The following LRRC4C variants were observed in gnomAD, a reference collection of about 807,000 sequenced individuals.
LRRC4C encodes the protein leucine rich repeat containing 4C.
A neutral mutation model predicts 33.6 loss-of-function variants in LRRC4C; 5 were observed. The observed-to-expected ratio is 0.15, with a 90% CI of 0.08 to 0.31. The LOEUF is 0.31. LRRC4C is among the 10% of genes least tolerant of loss of function. The pLI, the probability that LRRC4C is intolerant of heterozygous loss-of-function variation, is 1.00. For synonymous variants in LRRC4C, 329 were observed against 302.0 expected (o/e 1.09, Z -0.93); for missense variants, 560 against 796.7 (o/e 0.70, Z 3.58).
chr11:40,209,075 A>G (rs1475216848), intron 5 of LRRC4C, among the ~76,000 whole-genome samples: 1 of 152,132 alleles, frequency 6.6e-6, no homozygotes, highest in African/African-American at 2.4e-5. Flanking sequence ...CCGGCAATTT[A>G]CAAAGGACAT....
intron 1 of LRRC4C, among the ~76,000 whole-genome samples, chr11:41,233,879 T>A (rs1947908630): frequency 6.6e-6 from 1 of 152,026 alleles, no homozygotes; most frequent in Non-Finnish European, 1.5e-5. Flanking sequence ...TAGTCCTTAG[T>A]TCTTAGATTA....
chr11:40,186,586 C>T (rs1490806080), intron 5 of LRRC4C, among the ~76,000 whole-genome samples: 2 of 152,118 alleles, frequency 1.3e-5, no homozygotes, highest in East Asian at 3.9e-4. Flanking sequence ...ATGTATGACG[C>T]CTAGTCTATG....
At chr11:40,160,257 C>A (rs1394631363) in intron 5 of LRRC4C, among the ~76,000 whole-genome samples, 1 of 151,868 alleles carries the variant, frequency 6.6e-6, no homozygotes, top group Non-Finnish European at 1.5e-5. Flanking sequence ...TCCTGACTCT[C>A]AATTTTGTAG....
At chr11:40,937,592 AGTGTGTGTATATGTGTGTGT>A (rs1237071318) in intron 1 of LRRC4C, among the ~76,000 whole-genome samples, 1 of 120,122 alleles carries the variant, frequency 8.3e-6, no homozygotes, top group African/African-American at 3.5e-5. Flanking sequence ...ACTCTTCTTG[AGTGTGTGTATATGTGTGTGT>A]GTGTGTGTGT....
intron 1 of LRRC4C, among the ~76,000 whole-genome samples, chr11:41,141,095 C>A (rs956412410): frequency 6.6e-6 from 1 of 152,070 alleles, no homozygotes; most frequent in Admixed American, 6.6e-5. Context: ...TCAATAACAG[C>A]AGCTAAATGC....
intron 5 of LRRC4C, among the ~76,000 whole-genome samples, chr11:40,214,715 A>ATCCCAGAC (rs1250163910): frequency 5.3e-5 from 8 of 152,170 alleles, no homozygotes; most frequent in African/African-American, 1.9e-4. Context: ...TGGCATCCTG[A>ATCCCAGAC]TCCCAGACTC....
intron 3 of LRRC4C, among the ~76,000 whole-genome samples, chr11:40,449,152 CAGATGGTT>C (rs1406951544): frequency 6.6e-6 from 1 of 152,050 alleles, no homozygotes; most frequent in Non-Finnish European, 1.5e-5. Flanking sequence ...AGCCCTTTCT[CAGATGGTT>C]AGATTGCAAA....
At chr11:41,011,822 A>ATATATTATATCATATTATAT (rs1855211019) in intron 1 of LRRC4C, among the ~76,000 whole-genome samples, 2 of 141,734 alleles carry the variant, frequency 1.4e-5, no homozygotes, top group Non-Finnish European at 3.0e-5. Context: ...ATTCTATGTT[A>ATATATTATATCATATTATAT]TATATTATAT....
intron 3 of LRRC4C, among the ~76,000 whole-genome samples, chr11:40,383,920 A>AATTATTATTATTATT (rs143241296): frequency 0.11 from 14,276 of 135,272 alleles, 860 homozygotes; most frequent in Middle Eastern, 0.18. Context: ...TTTTAATTCA[A>AATTATTATTATTATT]ATTATTATTA....
intron 1 of LRRC4C, among the ~76,000 whole-genome samples, chr11:41,101,561 T>A (rs186099310): frequency 3.2e-4 from 48 of 152,274 alleles, no homozygotes; most frequent in Non-Finnish European, 6.2e-4. Flanking sequence ...AGTGCAAATT[T>A]GTTCAACCAT....
At chr11:41,059,595 T>G (rs1449162620) in intron 1 of LRRC4C, among the ~76,000 whole-genome samples, 1 of 152,184 alleles carries the variant, frequency 6.6e-6, no homozygotes, top group Non-Finnish European at 1.5e-5. Flanking sequence ...GTTTTTCTTT[T>G]TACACCTTTT....
intron 3 of LRRC4C, among the ~76,000 whole-genome samples, chr11:40,333,420 T>A (rs1362706332): frequency 1.3e-5 from 2 of 152,080 alleles, no homozygotes; most frequent in African/African-American, 4.8e-5. Context: ...TTGTCATTTT[T>A]AAAATTGTAA....
chr11:40,727,897 CAAT>C (rs1444916091), intron 2 of LRRC4C, among the ~76,000 whole-genome samples: 4 of 151,774 alleles, frequency 2.6e-5, no homozygotes, highest in African/African-American at 9.7e-5. Context: ...AAAAATACAA[CAAT>C]GAGCCGAGTG....
intron 1 of LRRC4C, among the ~76,000 whole-genome samples, chr11:41,388,038 A>G (rs567170357): frequency 1.1e-4 from 17 of 151,962 alleles, no homozygotes; most frequent in African/African-American, 4.1e-4. Flanking sequence ...ATATCAGGTT[A>G]AGGAAGTAGA....
At chr11:40,610,711 G>C (rs2135881096) in intron 3 of LRRC4C, among the ~76,000 whole-genome samples, 1 of 151,916 alleles carries the variant, frequency 6.6e-6, no homozygotes, top group South Asian at 2.1e-4. Flanking sequence ...AAAATCGGTT[G>C]CTTTTCTATA....
chr11:41,064,465 C>T (rs1006753888), intron 1 of LRRC4C, among the ~76,000 whole-genome samples: 13 of 152,110 alleles, frequency 8.5e-5, no homozygotes, highest in African/African-American at 3.1e-4. Flanking sequence ...TCCTGGAATA[C>T]TCATATTTTG....
At chr11:41,304,506 C>T (rs1445389656) in intron 1 of LRRC4C, among the ~76,000 whole-genome samples, 3 of 115,804 alleles carry the variant, frequency 2.6e-5, no homozygotes, top group Non-Finnish European at 5.6e-5. Context: ...GGCCAGCCGC[C>T]CCGTCCGGGA....
At chr11:40,679,827 G>A (rs1944586556) in intron 2 of LRRC4C, among the ~76,000 whole-genome samples, 1 of 152,120 alleles carries the variant, frequency 6.6e-6, no homozygotes, top group African/African-American at 2.4e-5. Context: ...GGGAAATGTG[G>A]GGTCAGATCC....
intron 1 of LRRC4C, among the ~76,000 whole-genome samples, chr11:41,262,357 A>G (rs1182797903): frequency 2.0e-5 from 3 of 152,000 alleles, no homozygotes. Flanking sequence ...CTATAGAGAA[A>G]AAGGTCTGCT....
Sources: allele counts gnomAD v4.1 joint callset (sites outside exome capture counted in the v4.1 genomes callset), GRCh38; gene constraint gnomAD v4.1.1; transcripts MANE v1.5; gene names NCBI Gene and HGNC (gene_info 2026-07-23, HGNC 2026-07-21).